RAP1GAP2: variants seen among roughly 807,000 people sequenced by gnomAD.
RAP1GAP2 encodes the protein rap1 GTPase-activating protein 2.
In RAP1GAP2, 27 loss-of-function variants were observed where a neutral mutation model predicts 95.0. The observed-to-expected ratio is 0.28, with a 90% confidence interval of 0.21 to 0.39. The LOEUF (loss-of-function observed/expected upper bound fraction) is 0.39, where lower values mean the gene tolerates loss of function less well. Among genes scored for constraint, RAP1GAP2 ranks in the 10% least tolerant of loss-of-function variants. RAP1GAP2 has a pLI of 1.00. For missense variants in RAP1GAP2, 771 were observed against 970.0 expected, an observed-to-expected ratio of 0.79 and a Z score of 2.72; for synonymous variants, 373 against 380.9, an observed-to-expected ratio of 0.98 and a Z score of 0.24.
At chr17:3,026,176 C>A (rs199785121) in intron 20 of RAP1GAP2, 55 bp downstream of exon 20, 4 of 1,420,050 alleles carry the variant, frequency 2.8e-6, no homozygotes, top group Non-Finnish European at 3.9e-6. Context: ...CCCTGGAACA[C>A]GCCCTCTGCC....
At chr17:2,893,185 CT>C (rs1567750295) in intron 2 of RAP1GAP2, among the ~76,000 whole-genome samples, 1 of 151,944 alleles carries the variant, frequency 6.6e-6, no homozygotes, top group Non-Finnish European at 1.5e-5. Context: ...CCGCCACCAG[CT>C]ACTAGCCCGG....
chr17:2,977,431 C>T (rs1469780570), intron 8 of RAP1GAP2, among the ~76,000 whole-genome samples: 1 of 152,078 alleles, frequency 6.6e-6, no homozygotes, highest in Non-Finnish European at 1.5e-5. Flanking sequence ...ATGAGAAAAT[C>T]TCTTTATTAT....
chr17:3,019,411 A>T (rs1034020940), intron 18 of RAP1GAP2, among the ~76,000 whole-genome samples: 1 of 151,828 alleles, frequency 6.6e-6, no homozygotes, highest in Non-Finnish European at 1.5e-5. Flanking sequence ...TACTTGGGAG[A>T]CTGAGGTGGG....
At chr17:2,860,982 C>T (rs1024402068) in intron 2 of RAP1GAP2, among the ~76,000 whole-genome samples, 3 of 152,096 alleles carry the variant, frequency 2.0e-5, no homozygotes, top group Admixed American at 2.0e-4. Context: ...TGTGACCTCA[C>T]CTCCCAACTT....
intron 2 of RAP1GAP2, among the ~76,000 whole-genome samples, chr17:2,818,567 A>T (rs2070143024): frequency 6.6e-6 from 1 of 152,028 alleles, no homozygotes; most frequent in South Asian, 2.1e-4. Context: ...ACCTCAAGTG[A>T]TCCACCTGCC....
At chr17:2,823,597 G>T (rs2070405416) in intron 2 of RAP1GAP2, among the ~76,000 whole-genome samples, 1 of 152,146 alleles carries the variant, frequency 6.6e-6, no homozygotes, top group Admixed American at 6.6e-5. Flanking sequence ...CTCCAGAAAA[G>T]TGTGCCACTC....
chr17:2,813,770 G>A (rs185600212), intron 2 of RAP1GAP2, among the ~76,000 whole-genome samples: 1 of 152,046 alleles, frequency 6.6e-6, no homozygotes, highest in African/African-American at 2.4e-5. Flanking sequence ...GACCAGCCGG[G>A]CCAACATGGT....
chr17:2,915,350 C>T (rs1182379665), intron 3 of RAP1GAP2, among the ~76,000 whole-genome samples: 2 of 151,496 alleles, frequency 1.3e-5, no homozygotes, highest in East Asian at 2.0e-4. Context: ...TCCACCTCAG[C>T]CCCCCGAGTA....
intron 3 of RAP1GAP2, among the ~76,000 whole-genome samples, chr17:2,907,869 C>G (rs149895908): frequency 6.6e-6 from 1 of 152,082 alleles, no homozygotes; most frequent in Non-Finnish European, 1.5e-5. Flanking sequence ...TGCAGTGGCG[C>G]GATCTTGGCT....
chr17:2,820,891 G>GTTTTTTTTTTTTTT (rs1475267891), intron 2 of RAP1GAP2, among the ~76,000 whole-genome samples: 1,421 of 113,790 alleles, frequency 0.012, 133 homozygotes, highest in Admixed American at 0.055. Flanking sequence ...CCCGGATAAT[G>GTTTTTTTTTTTTTT]GTTTTTTTTT....
intron 19 of RAP1GAP2, among the ~76,000 whole-genome samples, chr17:3,020,892 A>C (rs186276954): frequency 5.3e-5 from 8 of 152,210 alleles, no homozygotes; most frequent in Admixed American, 5.2e-4. Context: ...CGCTCACTCA[A>C]ATGGCCTGTC....
At chr17:2,888,789 C>T (rs1379686282) in intron 2 of RAP1GAP2, among the ~76,000 whole-genome samples, 6 of 150,138 alleles carry the variant, frequency 4.0e-5, no homozygotes, top group African/African-American at 1.2e-4. Context: ...GTAGTTGGGA[C>T]TACAGTGTAC....
intron 1 of RAP1GAP2, among the ~76,000 whole-genome samples, chr17:2,762,242 C>CGTGGTGGA (rs765514851): frequency 3.4e-3 from 521 of 151,936 alleles, no homozygotes; most frequent in Admixed American, 6.9e-3. Context: ...CTGCCTCGGC[C>CGTGGTGGA]TCCCAAAGTG....
intron 2 of RAP1GAP2, among the ~76,000 whole-genome samples, chr17:2,847,206 A>G (rs2071625995): frequency 6.6e-6 from 1 of 152,086 alleles, no homozygotes; most frequent in Admixed American, 6.5e-5. Context: ...ACGGGGTTTC[A>G]CCATGTTGGC....
intron 2 of RAP1GAP2, among the ~76,000 whole-genome samples, chr17:2,818,887 C>A (rs951573632): frequency 6.6e-6 from 1 of 151,892 alleles, no homozygotes; most frequent in Admixed American, 6.6e-5. Flanking sequence ...AAACCTACTG[C>A]AAGGGTTGTT....
chr17:2,945,813 C>T (rs1249028023), intron 3 of RAP1GAP2, among the ~76,000 whole-genome samples: 3 of 150,198 alleles, frequency 2.0e-5, no homozygotes, highest in Middle Eastern at 3.2e-3. Context: ...TTTTTTGAGA[C>T]GAGTTTTGCT....
At position 2,877,111 on chromosome 17, in the gene RAP1GAP2, A is replaced by G. The variant is rs138790215; in HGVS notation, c.81-28173A>G. 8.4e-3 allele frequency among the ~76,000 whole-genome samples: 1,269 copies of G among 151,072 alleles called. 11 individuals carry two copies. Among genetic ancestry groups the G allele is most frequent in the Non-Finnish European group, 0.013 (901 of 67,672 alleles). ...TCCATGTTGCTCAGGCTGGTCTCGA[A>G]CTCCTGACCTCAGGTGATGCACCCG... On this transcript the variant is annotated intron_variant, in intron 2 of 24. Transcript: ENST00000254695.
intron 3 of RAP1GAP2, among the ~76,000 whole-genome samples, chr17:2,924,947 G>A (rs1314725182): frequency 2.0e-5 from 3 of 152,152 alleles, no homozygotes; most frequent in South Asian, 4.1e-4. Flanking sequence ...GAGATGCCAC[G>A]GGGATCAGGA....
intron 3 of RAP1GAP2, among the ~76,000 whole-genome samples, chr17:2,913,707 T>C (rs1392496099): frequency 6.6e-6 from 1 of 152,168 alleles, no homozygotes; most frequent in Admixed American, 6.5e-5. Flanking sequence ...ATTGTATACT[T>C]TGACTAATGA....
Sources: gnomAD v4.1 joint callset for allele counts (sites outside exome capture counted in the v4.1 genomes callset) on GRCh38, gnomAD v4.1.1 for gene constraint, MANE v1.5 for transcripts, NCBI Gene and HGNC (gene_info 2026-07-23, HGNC 2026-07-21) for gene names.